FSTL5: variants seen among roughly 807,000 people sequenced by gnomAD.
FSTL5 encodes the protein follistatin-related protein 5.
FSTL5 carries 62 observed loss-of-function variants against 89.1 expected under a neutral mutation model. That is an observed-to-expected ratio of 0.70 (90% CI 0.57 to 0.86). FSTL5 has a LOEUF of 0.86. FSTL5 is among the 40% of genes least tolerant of loss of function. The pLI, the probability that FSTL5 is intolerant of heterozygous loss-of-function variation, is 0.00. For synonymous variants in FSTL5, 383 were observed against 346.2 expected (o/e 1.11, Z -1.18); for missense variants, 1,057 against 1,001.6 (o/e 1.06, Z -0.75).
chr4:161,471,349 A>T (rs1269160387), intron 13 of FSTL5, among the ~76,000 whole-genome samples: 1 of 152,160 alleles, frequency 6.6e-6, no homozygotes, highest in African/African-American at 2.4e-5. Context: ...AAGTCTGTTT[A>T]TTACAATGAT....
chr4:161,420,612 T>C (rs1037282309), intron 15 of FSTL5, among the ~76,000 whole-genome samples: 5 of 151,762 alleles, frequency 3.3e-5, no homozygotes, highest in African/African-American at 1.2e-4. Flanking sequence ...TGATAATAAA[T>C]CTCTTCATAT....
intron 1 of FSTL5, among the ~76,000 whole-genome samples, chr4:162,121,210 T>A (rs1287823944): frequency 6.6e-6 from 1 of 151,850 alleles, no homozygotes; most frequent in Non-Finnish European, 1.5e-5. Flanking sequence ...TTTAAAGCAT[T>A]TTTGACAACT....
rs145034808 is a variant in FSTL5, at chr4:161,775,967, T to A, written c.517A>T (p.Ile173Leu). The change falls in exon 5 of 16, where the codon ATA (isoleucine) becomes TTA (leucine). Residue 173 changes from isoleucine to leucine, a missense_variant. Transcript: ENST00000306100. ...TCCACCAATAGCTTCTTCCGAGATA[T>A]GTCGTCGCCATTAGGATTTTCATTT... The part of the protein sequence containing the change: ...QENENPNGDD[I>L]SRKKLLVDQM... 2.5e-6 allele frequency: 4 copies of A among 1,607,184 alleles called. No individual in the cohort carries two copies. The African/African-American group carries it at 5.4e-5, about 22-fold the overall frequency.
At chr4:162,085,694 A>T (rs1372362109) in intron 2 of FSTL5, among the ~76,000 whole-genome samples, 1 of 152,110 alleles carries the variant, frequency 6.6e-6, no homozygotes, top group Non-Finnish European at 1.5e-5. Context: ...ATGATACTTG[A>T]CAAAGTATGG....
chr4:161,992,805 C>T (rs1254114887), intron 3 of FSTL5, among the ~76,000 whole-genome samples: 1 of 140,698 alleles, frequency 7.1e-6, no homozygotes, highest in East Asian at 2.1e-4. Flanking sequence ...GACCACCGTG[C>T]CATTGAACTT....
intron 2 of FSTL5, among the ~76,000 whole-genome samples, chr4:162,066,379 T>TCTTCTC (rs1738915779): frequency 7.3e-6 from 1 of 137,042 alleles, no homozygotes; most frequent in African/African-American, 2.7e-5. Context: ...TTCTCCTTCT[T>TCTTCTC]CTTCTTCTTC....
At chr4:161,708,430 A>G (rs1343982167) in intron 6 of FSTL5, among the ~76,000 whole-genome samples, 1 of 152,000 alleles carries the variant, frequency 6.6e-6, no homozygotes, top group African/African-American at 2.4e-5. Context: ...TACTTTAATA[A>G]ATAAAGAAAT....
chr4:161,439,732 A>ACC lies in FSTL5; in HGVS notation c.1841+15270_1841+15271dup, dbSNP rs200196688. 4.3e-3 allele frequency among the ~76,000 whole-genome samples: 651 copies of ACC among 151,460 alleles called. 3 individuals are homozygous for ACC. Among genetic ancestry groups the ACC allele is most frequent in the African/African-American group, 0.015 (600 of 41,282 alleles). ...CTGATTATTTAACACACACACACAC[A>ACC]CCCCACACGCACACGTGTGCCTTTC... On this transcript the variant is annotated intron_variant, in intron 15 of 15. Coordinates refer to ENST00000306100, the MANE Select transcript of FSTL5 (RefSeq NM_020116.5).
intron 13 of FSTL5, among the ~76,000 whole-genome samples, chr4:161,467,758 G>A (rs1733795347): frequency 1.3e-5 from 2 of 152,076 alleles, no homozygotes; most frequent in South Asian, 4.1e-4. Flanking sequence ...CAGCAGGTAA[G>A]AGAGTTATGG....
intron 1 of FSTL5, among the ~76,000 whole-genome samples, chr4:162,118,483 G>C (rs1005030311): frequency 1.3e-5 from 2 of 152,166 alleles, no homozygotes; most frequent in South Asian, 2.1e-4. Flanking sequence ...GGATGGTCTC[G>C]ATCTCCTGAC....
chr4:161,848,949 G>A (rs1415631524), intron 4 of FSTL5, among the ~76,000 whole-genome samples: 1 of 152,086 alleles, frequency 6.6e-6, no homozygotes, highest in African/African-American at 2.4e-5. Flanking sequence ...CAAGTCATGT[G>A]GTGAAAACTG....
At chr4:161,844,471 G>C (rs1202171308) in intron 4 of FSTL5, among the ~76,000 whole-genome samples, 1 of 152,164 alleles carries the variant, frequency 6.6e-6, no homozygotes, top group South Asian at 2.1e-4. Flanking sequence ...CTACTATAAA[G>C]ACATATGCCC....
intron 7 of FSTL5, among the ~76,000 whole-genome samples, chr4:161,594,580 A>G (rs1219007357): frequency 6.6e-6 from 1 of 151,996 alleles, no homozygotes; most frequent in African/African-American, 2.4e-5. Context: ...AAATTACCAT[A>G]TCTAAATTAC....
intron 8 of FSTL5, among the ~76,000 whole-genome samples, chr4:161,567,426 T>C (rs1049121130): frequency 6.6e-6 from 1 of 152,150 alleles, no homozygotes; most frequent in Non-Finnish European, 1.5e-5. Flanking sequence ...ATTAACCTTC[T>C]TTCCACTCTC....
chr4:162,072,036 A>C (rs1262718762), intron 2 of FSTL5, among the ~76,000 whole-genome samples: 1 of 151,802 alleles, frequency 6.6e-6, no homozygotes, highest in Non-Finnish European at 1.5e-5. Context: ...TGTCATTGAC[A>C]TATAACGTCA....
chr4:162,128,976 C>CA (rs1732188927), intron 1 of FSTL5, among the ~76,000 whole-genome samples: 1 of 149,174 alleles, frequency 6.7e-6, no homozygotes, highest in Non-Finnish European at 1.5e-5. Flanking sequence ...GGCTGGAGCG[C>CA]AGTGGCGCCA....
intron 7 of FSTL5, among the ~76,000 whole-genome samples, chr4:161,649,963 T>C (rs1736279699): frequency 6.6e-6 from 1 of 152,220 alleles, no homozygotes. Flanking sequence ...GAAGCCATGG[T>C]CTTGGAATGC....
chr4:161,634,417 T>C (rs1338727799), intron 7 of FSTL5, among the ~76,000 whole-genome samples: 1 of 152,172 alleles, frequency 6.6e-6, no homozygotes, highest in Non-Finnish European at 1.5e-5. Flanking sequence ...GAAATCAGTA[T>C]CTTGACAAGA....
intron 4 of FSTL5, among the ~76,000 whole-genome samples, chr4:161,869,924 A>T (rs1732210027): frequency 6.6e-6 from 1 of 152,140 alleles, no homozygotes; most frequent in African/African-American, 2.4e-5. Context: ...TCCCACCTTC[A>T]ATCTCTTTAC....
Sources: gnomAD v4.1 joint callset for allele counts (sites outside exome capture counted in the v4.1 genomes callset) on GRCh38, gnomAD v4.1.1 for gene constraint, MANE v1.5 for transcripts, NCBI Gene and HGNC (gene_info 2026-07-23, HGNC 2026-07-21) for gene names.